The following TMEM132D variants were observed in gnomAD, a reference collection of about 807,000 sequenced individuals.
TMEM132D encodes transmembrane protein 132D.
A neutral mutation model predicts 62.3 loss-of-function variants in TMEM132D; 21 were observed. The ratio of observed to expected loss-of-function variants is 0.34; its 90% CI spans 0.24 to 0.49. The LOEUF is 0.49. Ranked by LOEUF, TMEM132D falls within the 20% of genes least tolerant of loss-of-function variation. The pLI, the probability that TMEM132D is intolerant of heterozygous loss-of-function variation, is 0.99. For synonymous variants in TMEM132D, 621 were observed against 575.6 expected, an observed-to-expected ratio of 1.08 and a Z score of -1.13; for missense variants, 1,346 against 1,402.8, an observed-to-expected ratio of 0.96 and a Z score of 0.65.
intron 5 of TMEM132D, among the ~76,000 whole-genome samples, chr12:129,146,664 T>C (rs1876907971): frequency 1.3e-5 from 2 of 152,202 alleles, no homozygotes; most frequent in South Asian, 4.1e-4. Flanking sequence ...TGTTCCCATA[T>C]GTTTGCACAC....
intron 3 of TMEM132D, among the ~76,000 whole-genome samples, chr12:129,400,266 T>G (rs1464396): frequency 6.6e-6 from 1 of 152,128 alleles, no homozygotes; most frequent in Non-Finnish European, 1.5e-5. Context: ...GCAGACACAT[T>G]AGTCAAGAGC....
intron 5 of TMEM132D, among the ~76,000 whole-genome samples, chr12:129,135,550 C>T (rs12828852): frequency 0.68 from 102,962 of 152,174 alleles, 35,786 homozygotes; most frequent in Non-Finnish European, 0.76. Flanking sequence ...AGCATAAAGG[C>T]CTTTGCTCAG....
chr12:129,537,576 C>T (rs545490015), intron 2 of TMEM132D, among the ~76,000 whole-genome samples: 73 of 151,498 alleles, frequency 4.8e-4, no homozygotes, highest in Non-Finnish European at 8.5e-4. Context: ...TGTTTTCCCA[C>T]TGCCCTTCTG....
At chr12:129,534,499 C>G (rs1876324487) in intron 2 of TMEM132D, among the ~76,000 whole-genome samples, 2 of 151,776 alleles carry the variant, frequency 1.3e-5, no homozygotes, top group African/African-American at 4.8e-5. Context: ...TATATATCAT[C>G]AACACACACA....
At chr12:129,635,900 T>G (rs891148185) in intron 2 of TMEM132D, among the ~76,000 whole-genome samples, 1 of 152,178 alleles carries the variant, frequency 6.6e-6, no homozygotes, top group African/African-American at 2.4e-5. Flanking sequence ...AGGGTATACA[T>G]TGGTTCAGTG....
chr12:129,318,292 A>G (rs900228152), intron 4 of TMEM132D, among the ~76,000 whole-genome samples: 1 of 152,178 alleles, frequency 6.6e-6, no homozygotes, highest in Non-Finnish European at 1.5e-5. Context: ...GGGAAGGTCT[A>G]GGGCTGAAGG....
intron 4 of TMEM132D, among the ~76,000 whole-genome samples, chr12:129,322,206 A>G (rs887003971): frequency 6.6e-6 from 1 of 151,678 alleles, no homozygotes; most frequent in Non-Finnish European, 1.5e-5. Flanking sequence ...TGTCGGACAC[A>G]CAGACATGTC....
At chr12:129,462,047 A>G (rs1374296308) in intron 3 of TMEM132D, among the ~76,000 whole-genome samples, 2 of 152,230 alleles carry the variant, frequency 1.3e-5, no homozygotes, top group African/African-American at 4.8e-5. Flanking sequence ...CACAGAGCCA[A>G]CAGGCTGTGA....
chr12:129,642,742 C>G (rs1879672393), intron 2 of TMEM132D, among the ~76,000 whole-genome samples: 1 of 152,168 alleles, frequency 6.6e-6, no homozygotes, highest in South Asian at 2.1e-4. Flanking sequence ...CGCAACCTCA[C>G]CTTAGTTCTG....
intron 2 of TMEM132D, among the ~76,000 whole-genome samples, chr12:129,587,396 G>A (rs1423834600): frequency 3.3e-5 from 5 of 152,180 alleles, no homozygotes; most frequent in Admixed American, 3.3e-4. Flanking sequence ...TGTGAGGGTG[G>A]AAGGTGGGAA....
At position 129,827,418 on chromosome 12, in the gene TMEM132D, C is replaced by CT. The variant is rs1333585027; in HGVS notation, c.79+75842dup. ...CTGTAAGCAGCTGAACCAAAACAGGCTTTCTTCTCCCTTCCATGGTCCTCA... is the reference window on the plus strand; with the variant it reads ...CTGTAAGCAGCTGAACCAAAACAGGCTTTTCTTCTCCCTTCCATGGTCCTCA... On this transcript the variant is annotated intron_variant, in intron 1 of 8. Transcript: ENST00000422113. This position sits in a 1 kb window ranked among gnomAD's most constrained non-coding sequence, Gnocchi z 9.7. 6.6e-6 allele frequency among the ~76,000 whole-genome samples: 1 copy of CT among 152,156 alleles called. No homozygotes were observed. Among genetic ancestry groups the CT allele is most frequent in the Non-Finnish European group, 1.5e-5 (1 of 68,028 alleles).
intron 2 of TMEM132D, among the ~76,000 whole-genome samples, chr12:129,666,521 G>A (rs1396297878): frequency 6.6e-6 from 1 of 152,124 alleles, no homozygotes; most frequent in Non-Finnish European, 1.5e-5. Flanking sequence ...CTAAATTAAG[G>A]TCAGATATCA....
chr12:129,098,383 G>C (rs377584630), intron 5 of TMEM132D, among the ~76,000 whole-genome samples: 1 of 152,190 alleles, frequency 6.6e-6, no homozygotes, highest in Admixed American at 6.5e-5. Context: ...ATGATGATGA[G>C]ATGATCACAG....
At chr12:129,627,445 A>G (rs1879251870) in intron 2 of TMEM132D, among the ~76,000 whole-genome samples, 1 of 152,170 alleles carries the variant, frequency 6.6e-6, no homozygotes, top group African/African-American at 2.4e-5. Flanking sequence ...TTGTGTAAGT[A>G]TACTCCGTGA....
At chr12:129,735,652 A>G (rs920363143) in intron 1 of TMEM132D, among the ~76,000 whole-genome samples, 1 of 152,162 alleles carries the variant, frequency 6.6e-6, no homozygotes, top group Non-Finnish European at 1.5e-5. Context: ...GCAAAAAGGT[A>G]AAAAGCCATA....
chr12:129,327,321 A>G (rs1005101734), intron 4 of TMEM132D, among the ~76,000 whole-genome samples: 1 of 152,130 alleles, frequency 6.6e-6, no homozygotes, highest in African/African-American at 2.4e-5. Context: ...GAGTATACCA[A>G]CCACCATCAT....
chr12:129,514,131 G>A (rs1397178246), intron 3 of TMEM132D, among the ~76,000 whole-genome samples: 2 of 152,186 alleles, frequency 1.3e-5, no homozygotes, highest in East Asian at 1.9e-4. Flanking sequence ...GAGCCACCGA[G>A]CCCGGCCAAT....
intron 1 of TMEM132D, among the ~76,000 whole-genome samples, chr12:129,710,595 C>G (rs1025785672): frequency 2.0e-4 from 31 of 152,112 alleles, no homozygotes; most frequent in African/African-American, 7.5e-4. Flanking sequence ...CGTGCCCCGC[C>G]GATTATTTAA....
At chr12:129,357,735 A>G (rs924868893) in intron 3 of TMEM132D, among the ~76,000 whole-genome samples, 4 of 152,198 alleles carry the variant, frequency 2.6e-5, no homozygotes, top group African/African-American at 4.8e-5. Flanking sequence ...TCAGGTCCCA[A>G]GAGGTGCTAG....
Sources: allele counts gnomAD v4.1 joint callset (sites outside exome capture counted in the v4.1 genomes callset), GRCh38; gene constraint gnomAD v4.1.1; non-coding constraint Gnocchi (gnomAD v3.1); transcripts MANE v1.5; gene names NCBI Gene and HGNC (gene_info 2026-07-23, HGNC 2026-07-21).